The following PCED1B variants were observed in gnomAD, a reference collection of about 807,000 sequenced individuals.
The protein encoded by PCED1B is PC-esterase domain-containing protein 1B.
For synonymous variants in PCED1B, 251 were observed against 246.1 expected, an observed-to-expected ratio of 1.02 and a Z score of -0.19; for missense variants, 573 against 573.9, an observed-to-expected ratio of 1.00 and a Z score of 0.02.
intron 3 of PCED1B, among the ~76,000 whole-genome samples, chr12:47,229,512 G>A (rs1943734527): frequency 6.6e-6 from 1 of 152,086 alleles, no homozygotes; most frequent in Admixed American, 6.6e-5. Flanking sequence ...ACGTGGGGAT[G>A]CCCATACGTA....
chr12:47,172,410 A>G (rs989870626), intron 2 of PCED1B, among the ~76,000 whole-genome samples: 3 of 138,464 alleles, frequency 2.2e-5, no homozygotes, highest in South Asian at 2.3e-4. Flanking sequence ...CAGAGGCTGC[A>G]CTGAGCCGAG....
At chr12:47,093,929 A>G (rs1205608937) in intron 1 of PCED1B, among the ~76,000 whole-genome samples, 1 of 152,096 alleles carries the variant, frequency 6.6e-6, no homozygotes, top group African/African-American at 2.4e-5. Context: ...CATACATGAC[A>G]TTAGATTACA....
chr12:47,161,218 T>C (rs933382429), intron 2 of PCED1B, among the ~76,000 whole-genome samples: 1 of 152,236 alleles, frequency 6.6e-6, no homozygotes, highest in Non-Finnish European at 1.5e-5. Context: ...TTGATCCATT[T>C]TTAGTTAATT....
At chr12:47,160,303 T>C (rs1482827762) in intron 2 of PCED1B, among the ~76,000 whole-genome samples, 17 of 132,318 alleles carry the variant, frequency 1.3e-4, no homozygotes, top group East Asian at 8.4e-4. Context: ...CTTTTTTTTT[T>C]TTTTTTTTTT....
At chr12:47,206,017 T>A (rs1387058666) in intron 2 of PCED1B, 3 of 152,194 alleles carry the variant, frequency 2.0e-5, no homozygotes. Context: ...TGCTGATTGG[T>A]TAGGGATGAA....
chr12:47,197,677 T>C (rs1430815686), intron 2 of PCED1B, among the ~76,000 whole-genome samples: 3 of 151,386 alleles, frequency 2.0e-5, no homozygotes, highest in Admixed American at 6.6e-5. Flanking sequence ...GGAGAAGACA[T>C]AAATTACTAA....
intron 3 of PCED1B, among the ~76,000 whole-genome samples, chr12:47,221,422 C>G (rs576689111): frequency 8.1e-4 from 122 of 149,986 alleles, no homozygotes; most frequent in Non-Finnish European, 1.8e-4. Context: ...AAGTGATCCT[C>G]CTGCCTAAGC....
At chr12:47,175,423 C>A (rs960392812) in intron 2 of PCED1B, among the ~76,000 whole-genome samples, 1 of 151,910 alleles carries the variant, frequency 6.6e-6, no homozygotes, top group African/African-American at 2.4e-5. Flanking sequence ...GGGAGCCACA[C>A]CTCATTAATA....
chr12:47,201,362 T>C (rs553721058), intron 2 of PCED1B, among the ~76,000 whole-genome samples: 2 of 152,252 alleles, frequency 1.3e-5, no homozygotes, highest in African/African-American at 4.8e-5. Flanking sequence ...CATTCTTGGA[T>C]GTGCTGGGAG....
intron 2 of PCED1B, among the ~76,000 whole-genome samples, chr12:47,145,363 T>C (rs1940746067): frequency 6.6e-6 from 1 of 152,216 alleles, no homozygotes; most frequent in East Asian, 1.9e-4. Context: ...AGTGCTGATG[T>C]AGAAGCTGCA....
At chr12:47,227,183 A>T (rs945382202) in intron 3 of PCED1B, among the ~76,000 whole-genome samples, 44 of 151,332 alleles carry the variant, frequency 2.9e-4, no homozygotes, top group African/African-American at 1.1e-3. Context: ...TTTGTTTTTG[A>T]GGCAGAGTCT....
intron 3 of PCED1B, among the ~76,000 whole-genome samples, chr12:47,222,508 A>G (rs1316344452): frequency 6.6e-6 from 1 of 151,416 alleles, no homozygotes; most frequent in Non-Finnish European, 1.5e-5. Context: ...TACCCCTCCA[A>G]CCCCAGATAA....
At chr12:47,101,189 A>G (rs901041726) in intron 1 of PCED1B, among the ~76,000 whole-genome samples, 1 of 152,202 alleles carries the variant, frequency 6.6e-6, no homozygotes, top group Admixed American at 6.5e-5. Context: ...ATTACTTGTT[A>G]GGCACATCTT....
Position 47,109,904 on chromosome 12 carries a change from T to A in PCED1B, c.-526+5709T>A, listed in dbSNP as rs559446606. On this transcript the variant is annotated intron_variant, in intron 2 of 3. Transcript: ENST00000546455. ...CAAGAATGGGAATCACTGAACATGATGATCTCTGGTATCCCTTGTAGTAAA... is the reference window on the plus strand; with the variant it reads ...CAAGAATGGGAATCACTGAACATGAAGATCTCTGGTATCCCTTGTAGTAAA... Among the ~76,000 whole-genome samples the A allele has an allele frequency of 2.6e-5, 4 of 152,312 alleles. No homozygotes were observed. In the South Asian group the frequency reaches 8.3e-4, roughly 32 times the overall value.
chr12:47,083,384 A>G (rs905960751), intron 1 of PCED1B, among the ~76,000 whole-genome samples: 2 of 152,104 alleles, frequency 1.3e-5, no homozygotes, highest in Middle Eastern at 6.8e-3. Context: ...GATGGAGCTC[A>G]CTGGGGTCAC....
intron 2 of PCED1B, among the ~76,000 whole-genome samples, chr12:47,185,516 C>T (rs80347532): frequency 0.011 from 1,669 of 152,262 alleles, 57 homozygotes; most frequent in East Asian, 0.1. Flanking sequence ...TGGCCCGGCA[C>T]GGTGGCTCAC....
chr12:47,107,706 G>A lies in PCED1B; in HGVS notation c.-526+3511G>A, dbSNP rs373404842. ...GTGCCTCAGGGATGAGAGAATGCCA[G>A]CTGGGGACTCAGGCTCAGGTGCAGG... On this transcript the variant is annotated intron_variant, in intron 2 of 3. Transcript: ENST00000546455. 6.6e-5 allele frequency among the ~76,000 whole-genome samples: 10 copies of A among 152,314 alleles called. No individual in the cohort carries two copies. In the East Asian group the frequency reaches 1.5e-3, roughly 24 times the overall value.
chr12:47,171,154 G>A (rs551589965), intron 2 of PCED1B, among the ~76,000 whole-genome samples: 6 of 138,760 alleles, frequency 4.3e-5, no homozygotes, highest in South Asian at 2.5e-4. Flanking sequence ...TGCAACCTCC[G>A]CCTCCCGGGT....
chr12:47,112,722 T>A (rs1307412662), intron 2 of PCED1B, among the ~76,000 whole-genome samples: 1 of 152,222 alleles, frequency 6.6e-6, no homozygotes, highest in Non-Finnish European at 1.5e-5. Flanking sequence ...TTAGCCAGTG[T>A]TTGTAATAGA....
Sources: allele counts gnomAD v4.1 joint callset (sites outside exome capture counted in the v4.1 genomes callset), GRCh38; gene constraint gnomAD v4.1.1; transcripts MANE v1.5; gene names NCBI Gene and HGNC (gene_info 2026-07-23, HGNC 2026-07-21).